The following CDH13 variants were observed in gnomAD, a reference collection of about 807,000 sequenced individuals.
The protein encoded by CDH13 is cadherin-13.
In CDH13, 24 loss-of-function variants were observed where a neutral mutation model predicts 63.8. The ratio of observed to expected loss-of-function variants is 0.38; its 90% CI spans 0.27 to 0.53. The LOEUF is 0.53. Among genes scored for constraint, CDH13 ranks in the 20% least tolerant of loss-of-function variants. CDH13 has a pLI of 0.85. For synonymous variants in CDH13, 503 were observed against 355.3 expected (o/e 1.42, Z -4.67); for missense variants, 1,049 against 903.1 (o/e 1.16, Z -2.07).
intron 2 of CDH13, chr16:82,954,818 G>A (rs1273969717): frequency 1.3e-5 from 2 of 150,696 alleles, no homozygotes; most frequent in Non-Finnish European, 2.9e-5. Flanking sequence ...GCTCCTGGCA[G>A]CCACAAAATC....
intron 1 of CDH13, among the ~76,000 whole-genome samples, chr16:82,754,146 A>G (rs1156989572): frequency 1.3e-5 from 2 of 152,122 alleles, no homozygotes; most frequent in African/African-American, 2.4e-5. Flanking sequence ...ACTCCTTAAT[A>G]TTAAACTTAG....
At chr16:83,491,092 G>GGAAGTTACTTTATTATAGGT (rs2074002863) in intron 7 of CDH13, among the ~76,000 whole-genome samples, 1 of 152,182 alleles carries the variant, frequency 6.6e-6, no homozygotes, top group Admixed American at 6.5e-5. Flanking sequence ...TATAAACAGA[G>GGAAGTTACTTTATTATAGGT]GAAGTTACTT....
rs138046145 is a variant in CDH13 at position 83,616,861 on chromosome 16, G to A, written c.1101+14267G>A. ...CTGGCTACAGCCTGCCTTCGTCTTA[G>A]GCCACACGGGAGCTCTGTTTACCCC... is the stretch of plus-strand genomic sequence containing the variant. On this transcript the variant is annotated intron_variant, in intron 8 of 13. Coordinates refer to ENST00000567109, the MANE Select transcript of CDH13 (RefSeq NM_001257.5). 1.2e-3 allele frequency among the ~76,000 whole-genome samples: 190 copies of A among 152,216 alleles called. 1 individual carries two copies. In the East Asian group the frequency reaches 0.035, roughly 28 times the overall value.
chr16:83,555,994 C>G (rs1034667473), intron 7 of CDH13, among the ~76,000 whole-genome samples: 1 of 152,130 alleles, frequency 6.6e-6, no homozygotes, highest in African/African-American at 2.4e-5. Context: ...CACTGGTACC[C>G]AGAGGGTTTT....
chr16:82,671,079 G>C (rs1030746212), intron 1 of CDH13, among the ~76,000 whole-genome samples: 1 of 152,086 alleles, frequency 6.6e-6, no homozygotes, highest in African/African-American at 2.4e-5. Context: ...GTGGGTATTA[G>C]ATGGCGAGGG....
chr16:83,099,232 G>A (rs533129519), intron 3 of CDH13, among the ~76,000 whole-genome samples: 1 of 152,186 alleles, frequency 6.6e-6, no homozygotes, highest in East Asian at 1.9e-4. Flanking sequence ...CACAAAGTAG[G>A]TGCTCTTTAA....
chr16:83,218,560 C>G (rs760877861), intron 5 of CDH13, among the ~76,000 whole-genome samples: 6 of 152,188 alleles, frequency 3.9e-5, no homozygotes, highest in Non-Finnish European at 5.9e-5. Flanking sequence ...GACCTGGCAG[C>G]TATTGGGGTC....
At position 83,783,266 on chromosome 16, in the gene CDH13, T is replaced by A; in HGVS notation, c.1928T>A (p.Leu643Gln). The stretch of plus-strand genomic sequence containing the variant: ...CTTGCCTTTACAGATACACACGCCC[T>A]GGTAAGCCTTCTTCAAAATCTGAAC... ...KISKINNTHA[L>Q]VSLLQNLNKA... is the part of the protein sequence containing the mutation. The change falls in exon 13 of 14, where the codon CTG becomes CAG. Residue 643 changes from leucine (L) to glutamine (Q), a missense_variant. Physicochemically the swap from Leu to Gln is moderately radical, Grantham distance 113 (BLOSUM62 -2). Transcript: ENST00000567109. The A allele has an allele frequency of 6.2e-7, 1 of 1,613,558 alleles. No homozygotes were observed. The highest frequency in any genetic ancestry group is 8.5e-7 in the Non-Finnish European group (1 of 1,179,576).
chr16:82,968,755 A>G (rs1430127547), intron 2 of CDH13, among the ~76,000 whole-genome samples: 1 of 152,160 alleles, frequency 6.6e-6, no homozygotes, highest in Non-Finnish European at 1.5e-5. Flanking sequence ...TGTTATAACT[A>G]TTTTTGACAC....
intron 1 of CDH13, among the ~76,000 whole-genome samples, chr16:82,795,200 A>T (rs952741032): frequency 2.0e-5 from 3 of 152,202 alleles, no homozygotes; most frequent in African/African-American, 7.2e-5. Context: ...AGTTCTAGTC[A>T]TGGACAATTG....
At chr16:83,531,860 A>G (rs995705489) in intron 7 of CDH13, among the ~76,000 whole-genome samples, 1 of 152,194 alleles carries the variant, frequency 6.6e-6, no homozygotes, top group South Asian at 2.1e-4. Context: ...GTGTTATTTC[A>G]ACCTAACAGT....
intron 8 of CDH13, among the ~76,000 whole-genome samples, chr16:83,646,712 A>AAAAAAAAAAAAAC (rs1168012793): frequency 1.2e-5 from 1 of 80,492 alleles, no homozygotes; most frequent in Non-Finnish European, 2.4e-5. Context: ...AAAAAAAAAA[A>AAAAAAAAAAAAAC]ACACACACAC....
intron 2 of CDH13, among the ~76,000 whole-genome samples, chr16:82,916,197 A>T (rs774100919): frequency 6.6e-6 from 1 of 152,136 alleles, no homozygotes; most frequent in Non-Finnish European, 1.5e-5. Flanking sequence ...TTAAGATGCA[A>T]TATGGGCTGC....
rs60691277 is a variant in CDH13, at chr16:82,921,952, C to G, written c.157+63479C>G. Among the ~76,000 whole-genome samples, 615 of 152,040 alleles carry G rather than the reference C, an allele frequency of 4.0e-3. 2 individuals are homozygous for G. The highest frequency in any genetic ancestry group is 0.014 in the African/African-American group (593 of 41,490). On this transcript the variant is annotated intron_variant, in intron 2 of 13. Coordinates refer to ENST00000567109, the MANE Select transcript of CDH13 (RefSeq NM_001257.5). Reference sequence around the variant, plus strand: ...ATTATTATTTGTTTTTAACTGTTTTCTGCTATTAAGATTTTTAATTTCTTC... The same window carrying G: ...ATTATTATTTGTTTTTAACTGTTTTGTGCTATTAAGATTTTTAATTTCTTC...
chr16:83,744,414 CA>C (rs1912372200), intron 10 of CDH13, among the ~76,000 whole-genome samples: 1 of 152,210 alleles, frequency 6.6e-6, no homozygotes, highest in African/African-American at 2.4e-5. Flanking sequence ...GTTTTTAAAG[CA>C]GTTCATTCTC....
At chr16:82,895,565 C>G (rs1284652351) in intron 2 of CDH13, among the ~76,000 whole-genome samples, 4 of 152,100 alleles carry the variant, frequency 2.6e-5, no homozygotes, top group African/African-American at 4.8e-5. Context: ...AGGGTTCACT[C>G]TTAATATTAT....
At chr16:83,199,493 T>G (rs1327435803) in intron 4 of CDH13, among the ~76,000 whole-genome samples, 1 of 152,186 alleles carries the variant, frequency 6.6e-6, no homozygotes, top group Non-Finnish European at 1.5e-5. Flanking sequence ...TCTCCTTAAC[T>G]GCATTTGTGA....
At chr16:83,701,325 T>G (rs1226770594) in intron 10 of CDH13, among the ~76,000 whole-genome samples, 2 of 152,214 alleles carry the variant, frequency 1.3e-5, no homozygotes, top group Admixed American at 6.5e-5. Context: ...AGTCTGATGA[T>G]GGATGCAGCG....
chr16:83,614,711 G>A (rs1909143335), intron 8 of CDH13, among the ~76,000 whole-genome samples: 1 of 152,170 alleles, frequency 6.6e-6, no homozygotes, highest in South Asian at 2.1e-4. Flanking sequence ...CATAAAGAGA[G>A]AAAAAATCTG....
Sources: gnomAD v4.1 joint callset for allele counts (sites outside exome capture counted in the v4.1 genomes callset) on GRCh38, gnomAD v4.1.1 for gene constraint, MANE v1.5 for transcripts, NCBI Gene and HGNC (gene_info 2026-07-23, HGNC 2026-07-21) for gene names.